Variants in RALYL observed in about 807,000 individuals in gnomAD.
RALYL encodes RNA-binding Raly-like protein.
A neutral mutation model predicts 35.1 loss-of-function variants in RALYL; 29 were observed. The observed-to-expected ratio is 0.83, with a 90% CI of 0.61 to 1.13. The LOEUF is 1.13. Among genes scored for constraint, RALYL ranks in the 50% most tolerant of loss-of-function variants. RALYL has a pLI of 0.00. For missense variants in RALYL, 359 were observed against 360.4 expected (o/e 1.00, Z 0.03); for synonymous variants, 120 against 127.6 (o/e 0.94, Z 0.40).
chr8:84,306,095 C>T (rs1040142285), intron 1 of RALYL, among the ~76,000 whole-genome samples: 9 of 150,644 alleles, frequency 6.0e-5, no homozygotes, highest in Admixed American at 2.6e-4. Context: ...ACCTGGGAGG[C>T]GGAGCTTTCA....
At chr8:84,292,982 T>C (rs1839046102) in intron 1 of RALYL, among the ~76,000 whole-genome samples, 2 of 152,296 alleles carry the variant, frequency 1.3e-5, no homozygotes, top group South Asian at 4.1e-4. Context: ...TTTCTTACTT[T>C]CCACATCATG....
intron 1 of RALYL, among the ~76,000 whole-genome samples, chr8:84,520,804 C>A (rs2058400774): frequency 6.6e-6 from 1 of 152,072 alleles, no homozygotes; most frequent in South Asian, 2.1e-4. Context: ...ATCCTGAAAC[C>A]ACCTCACCAT....
chr8:84,500,206 G>T (rs1055179796), intron 1 of RALYL, among the ~76,000 whole-genome samples: 1 of 152,114 alleles, frequency 6.6e-6, no homozygotes, highest in African/African-American at 2.4e-5. Context: ...GCAAATGGCT[G>T]CTTTTCAGTG....
At chr8:84,692,056 A>G (rs1838168946) in intron 2 of RALYL, among the ~76,000 whole-genome samples, 1 of 152,052 alleles carries the variant, frequency 6.6e-6, no homozygotes, top group Non-Finnish European at 1.5e-5. Context: ...AACTTTGGAA[A>G]ATCAAAATAG....
intron 1 of RALYL, among the ~76,000 whole-genome samples, chr8:84,192,437 A>T (rs796088112): frequency 8.5e-5 from 13 of 152,354 alleles, no homozygotes; most frequent in African/African-American, 2.6e-4. Context: ...GTCTATAAAA[A>T]GTCAAATTTT....
At chr8:84,233,965 G>T (rs1825921796) in intron 1 of RALYL, among the ~76,000 whole-genome samples, 1 of 152,148 alleles carries the variant, frequency 6.6e-6, no homozygotes, top group African/African-American at 2.4e-5. Context: ...CTAAGGATGT[G>T]CAGTGAGCTT....
chr8:84,540,537 T>C (rs183076285), intron 2 of RALYL, among the ~76,000 whole-genome samples: 1 of 148,024 alleles, frequency 6.8e-6, no homozygotes, highest in Non-Finnish European at 1.5e-5. Flanking sequence ...CTCATACTTC[T>C]GGAATCAACC....
At chr8:84,711,126 C>A (rs1356088454) in intron 2 of RALYL, among the ~76,000 whole-genome samples, 1 of 151,914 alleles carries the variant, frequency 6.6e-6, no homozygotes, top group Non-Finnish European at 1.5e-5. Context: ...TGCAAAGTCC[C>A]TGAGGAACAT....
chr8:84,389,334 T>C (rs1375469737), intron 1 of RALYL, among the ~76,000 whole-genome samples: 1 of 152,086 alleles, frequency 6.6e-6, no homozygotes, highest in African/African-American at 2.4e-5. Flanking sequence ...GGGCTCTTTT[T>C]TGGTTCCACA....
At chr8:84,560,855 T>C (rs2135579980) in intron 2 of RALYL, among the ~76,000 whole-genome samples, 1 of 152,146 alleles carries the variant, frequency 6.6e-6, no homozygotes, top group South Asian at 2.1e-4. Context: ...TGCCCTTGGC[T>C]AACTCTCTTC....
intron 2 of RALYL, among the ~76,000 whole-genome samples, chr8:84,764,465 T>A (rs896086694): frequency 6.6e-6 from 1 of 152,326 alleles, no homozygotes; most frequent in Middle Eastern, 3.4e-3. Context: ...ATGTGCTTTT[T>A]TTCACTTCAG....
At chr8:84,789,653 T>G (rs1299887243) in intron 3 of RALYL, among the ~76,000 whole-genome samples, 1 of 151,844 alleles carries the variant, frequency 6.6e-6, no homozygotes, top group African/African-American at 2.4e-5. Context: ...AGCCCAGGAG[T>G]TCGAGACCAG....
At chr8:84,730,170 A>G (rs1333571436) in intron 2 of RALYL, among the ~76,000 whole-genome samples, 1 of 152,088 alleles carries the variant, frequency 6.6e-6, no homozygotes, top group African/African-American at 2.4e-5. Flanking sequence ...GCAGCACATC[A>G]AAAAGCTTAT....
intron 2 of RALYL, among the ~76,000 whole-genome samples, chr8:84,733,778 C>A (rs976722359): frequency 6.6e-6 from 1 of 152,106 alleles, no homozygotes; most frequent in Admixed American, 6.6e-5. Flanking sequence ...GTGACTGGGA[C>A]ACAGTGATCA....
intron 2 of RALYL, among the ~76,000 whole-genome samples, chr8:84,667,789 C>T (rs1832382752): frequency 1.5e-5 from 2 of 132,196 alleles, no homozygotes; most frequent in South Asian, 2.5e-4. Context: ...TATACCATTC[C>T]TGATCTACAC....
chr8:84,574,997 C>A (rs1808976736), intron 2 of RALYL, among the ~76,000 whole-genome samples: 2 of 152,240 alleles, frequency 1.3e-5, no homozygotes, highest in African/African-American at 4.8e-5. Flanking sequence ...TCAGAATAAT[C>A]TAAGATTTTA....
chr8:84,815,701 G>C (rs1390224187), intron 4 of RALYL, among the ~76,000 whole-genome samples: 1 of 151,888 alleles, frequency 6.6e-6, no homozygotes, highest in Non-Finnish European at 1.5e-5. Flanking sequence ...CTCTGATCTT[G>C]GAAATAAGCT....
At chr8:84,248,165 G>A (rs1469223595) in intron 1 of RALYL, among the ~76,000 whole-genome samples, 2 of 152,014 alleles carry the variant, frequency 1.3e-5, no homozygotes, top group Non-Finnish European at 2.9e-5. Context: ...TATATGCTTG[G>A]TACCAAAATA....
intron 1 of RALYL, among the ~76,000 whole-genome samples, chr8:84,384,426 T>C (rs1858714861): frequency 6.6e-6 from 1 of 151,840 alleles, no homozygotes; most frequent in Non-Finnish European, 1.5e-5. Context: ...ATTTTTATCA[T>C]GTGACTCTAT....
Sources: gnomAD v4.1 joint callset for allele counts (sites outside exome capture counted in the v4.1 genomes callset) on GRCh38, gnomAD v4.1.1 for gene constraint, MANE v1.5 for transcripts, NCBI Gene and HGNC (gene_info 2026-07-23, HGNC 2026-07-21) for gene names.